Variants in LRRIQ1 observed in about 807,000 individuals in gnomAD.
LRRIQ1 encodes the protein leucine-rich repeat- and IQ domain-containing protein 1.
A neutral mutation model predicts 211.9 loss-of-function variants in LRRIQ1; 210 were observed. The ratio of observed to expected loss-of-function variants is 0.99; its 90% CI spans 0.89 to 1.11. The LOEUF (loss-of-function observed/expected upper bound fraction) is 1.11. Ranked by LOEUF, LRRIQ1 falls within the 50% of genes most tolerant of loss-of-function variation. The pLI, the probability that LRRIQ1 is intolerant of heterozygous loss-of-function variation, is 0.00. For synonymous variants in LRRIQ1, 699 were observed against 650.1 expected (o/e 1.08, Z -1.14); for missense variants, 2,136 against 1,939.5 (o/e 1.10, Z -1.90).
chr12:85,082,392 T>A (rs554557082), intron 11 of LRRIQ1, among the ~76,000 whole-genome samples: 1 of 152,330 alleles, frequency 6.6e-6, no homozygotes, highest in East Asian at 1.9e-4. Context: ...TGTTTTTGAT[T>A]CATCCTGTCG....
chr12:85,102,959 A>T (rs12824138), intron 13 of LRRIQ1, among the ~76,000 whole-genome samples: 12,960 of 107,726 alleles, frequency 0.12, 1,128 homozygotes, highest in African/African-American at 0.23. Context: ...AAAAAAAAAA[A>T]ATATATATAT....
chr12:85,134,263 T>C (rs1888968754), intron 18 of LRRIQ1, among the ~76,000 whole-genome samples: 1 of 152,144 alleles, frequency 6.6e-6, no homozygotes, highest in South Asian at 2.1e-4. Flanking sequence ...TATGCACATA[T>C]ATTCAAATGT....
intron 24 of LRRIQ1, among the ~76,000 whole-genome samples, chr12:85,187,233 A>T (rs1484664941): frequency 2.0e-5 from 3 of 152,166 alleles, no homozygotes; most frequent in Non-Finnish European, 4.4e-5. Context: ...AACAATTTAC[A>T]TAGCTTTCCT....
At chr12:85,234,374 C>A (rs1211993224) in intron 26 of LRRIQ1, among the ~76,000 whole-genome samples, 2 of 152,130 alleles carry the variant, frequency 1.3e-5, no homozygotes. Context: ...CCTCTATCTT[C>A]CACTATATAC....
rs1180886507 is a variant in LRRIQ1, at chr12:85,224,546, A to G, written c.4823-4971A>G. On this transcript the variant is annotated intron_variant, in intron 24 of 26. Transcript: ENST00000393217. ...TGGCACATATACACCATGGAATACTATGCAGCCATCAAAAAGGATGAGTTC... is the reference window on the plus strand; with the variant it reads ...TGGCACATATACACCATGGAATACTGTGCAGCCATCAAAAAGGATGAGTTC... 2.6e-5 allele frequency among the ~76,000 whole-genome samples: 4 copies of G among 152,276 alleles called. No homozygotes were observed. The East Asian group carries it at 5.8e-4, about 22-fold the overall frequency.
chr12:85,254,962 A>T (rs1353754428), intron 1 of LRRIQ1, among the ~76,000 whole-genome samples: 1 of 151,954 alleles, frequency 6.6e-6, no homozygotes, highest in African/African-American at 2.4e-5. Context: ...AAAATTTTTA[A>T]ATTAGAAAAA....
downstream of LRRIQ1, among the ~76,000 whole-genome samples, chr12:85,245,655 G>A (rs191133400): frequency 5.2e-3 from 782 of 150,892 alleles, 5 homozygotes; most frequent in Non-Finnish European, 8.5e-3. Flanking sequence ...AATCAAGAGC[G>A]ATTTCTTTCA....
At chr12:85,061,928 T>C (rs530068853) in intron 8 of LRRIQ1, among the ~76,000 whole-genome samples, 1 of 151,956 alleles carries the variant, frequency 6.6e-6, no homozygotes, top group Non-Finnish European at 1.5e-5. Context: ...GTTTTAATTA[T>C]TGCTTTTGGT....
chr12:85,127,809 G>A (rs756074250), intron 17 of LRRIQ1, 23 bp from the exon 18 acceptor site: 2 of 1,542,122 alleles, frequency 1.3e-6, no homozygotes, highest in Non-Finnish European at 8.9e-7. Context: ...AAAAGTGTGT[G>A]TTTTTTTTTC....
chr12:85,130,479 C>T (rs1276412201), intron 18 of LRRIQ1, among the ~76,000 whole-genome samples: 1 of 152,130 alleles, frequency 6.6e-6, no homozygotes, highest in Non-Finnish European at 1.5e-5. Flanking sequence ...AGGTTCATTA[C>T]CTTATGAAGT....
At chr12:85,042,301 T>C (rs538275437) in intron 3 of LRRIQ1, among the ~76,000 whole-genome samples, 29 of 151,400 alleles carry the variant, frequency 1.9e-4, no homozygotes, top group African/African-American at 6.5e-4. Context: ...ATAAAAGATA[T>C]TTGACAATCG....
intron 16 of LRRIQ1, among the ~76,000 whole-genome samples, chr12:85,122,682 C>T (rs1472762641): frequency 6.6e-6 from 1 of 151,796 alleles, no homozygotes; most frequent in Non-Finnish European, 1.5e-5. Flanking sequence ...TGTAAAAGTT[C>T]GTTTTCTGTG....
intron 24 of LRRIQ1, among the ~76,000 whole-genome samples, chr12:85,195,314 C>T (rs1223453448): frequency 6.6e-6 from 1 of 152,028 alleles, no homozygotes; most frequent in Non-Finnish European, 1.5e-5. Flanking sequence ...TCCTCCCTAA[C>T]TCATTTTATG....
chr12:85,185,729 A>G (rs1440939789), intron 24 of LRRIQ1, among the ~76,000 whole-genome samples: 1 of 151,998 alleles, frequency 6.6e-6, no homozygotes, highest in African/African-American at 2.4e-5. Flanking sequence ...TCTGTCTCAT[A>G]TAAACAGAAA....
chr12:85,038,262 T>A lies in LRRIQ1; in HGVS notation c.86T>A (p.Ile29Asn), dbSNP rs7312075. 157,581 of 1,584,026 alleles carry A rather than the reference T, an allele frequency of 0.099. 9,712 individuals are homozygous for A. Among genetic ancestry groups the A allele is most frequent in the East Asian group, 0.24 (10,335 of 42,758 alleles). The change falls in exon 2 of 27, where the codon ATT becomes AAT. Residue 29 changes from isoleucine (I) to asparagine (N), a missense_variant. Coordinates refer to ENST00000393217, the MANE Select transcript of LRRIQ1 (RefSeq NM_001079910.2). Reference protein sequence around the residue: ...LSISSLEKEDIESDAKSETQS... With the variant: ...LSISSLEKEDNESDAKSETQS... ...ATTTCCTCCTTGGAAAAAGAAGACATTGAGAGTGATGCAAAATCAGAAACC... is the reference window on the plus strand; with the variant it reads ...ATTTCCTCCTTGGAAAAAGAAGACAATGAGAGTGATGCAAAATCAGAAACC...
intron 13 of LRRIQ1, among the ~76,000 whole-genome samples, chr12:85,101,922 T>C (rs1269651616): frequency 1.3e-5 from 2 of 151,676 alleles, no homozygotes; most frequent in Admixed American, 1.3e-4. Flanking sequence ...TGTTACCGTA[T>C]AACTTACTGG....
intron 26 of LRRIQ1, among the ~76,000 whole-genome samples, chr12:85,234,533 G>A (rs1895087778): frequency 6.6e-6 from 1 of 152,102 alleles, no homozygotes. Flanking sequence ...AAAGGCATCA[G>A]TGGCTTTTAT....
chr12:85,087,348 A>G (rs1259052147), intron 11 of LRRIQ1, among the ~76,000 whole-genome samples: 3 of 152,156 alleles, frequency 2.0e-5, no homozygotes, highest in East Asian at 1.9e-4. Flanking sequence ...TATCATTGAT[A>G]GACATTTGGG....
intron 26 of LRRIQ1, among the ~76,000 whole-genome samples, chr12:85,238,508 C>G (rs770788700): frequency 6.6e-6 from 1 of 151,684 alleles, no homozygotes; most frequent in Non-Finnish European, 1.5e-5. Context: ...TACAGGGGAC[C>G]ATTTGTAAGG....
Sources: gnomAD v4.1 joint callset for allele counts (sites outside exome capture counted in the v4.1 genomes callset) on GRCh38, gnomAD v4.1.1 for gene constraint, MANE v1.5 for transcripts, NCBI Gene and HGNC (gene_info 2026-07-23, HGNC 2026-07-21) for gene names.